KIF24: variants seen among roughly 807,000 people sequenced by gnomAD.
KIF24 encodes kinesin family member 24.
KIF24 carries 81 observed loss-of-function variants against 118.9 expected under a neutral mutation model. That is an observed-to-expected ratio of 0.68 (90% CI 0.57 to 0.82). KIF24 has a LOEUF of 0.82. Among genes scored for constraint, KIF24 ranks in the 40% least tolerant of loss-of-function variants. KIF24 has a pLI of 0.00. For synonymous variants in KIF24, 599 were observed against 610.0 expected (o/e 0.98, Z 0.27); for missense variants, 1,560 against 1,661.6 (o/e 0.94, Z 1.06).
intron 4 of KIF24, among the ~76,000 whole-genome samples, chr9:34,293,008 T>C (rs952811325): frequency 1.3e-5 from 2 of 152,202 alleles, no homozygotes; most frequent in African/African-American, 4.8e-5. Context: ...TTCTAACTTA[T>C]TTTAGAAACT....
At chr9:34,300,763 G>T (rs1336893120) in intron 3 of KIF24, among the ~76,000 whole-genome samples, 1 of 148,180 alleles carries the variant, frequency 6.7e-6, no homozygotes, top group Non-Finnish European at 1.5e-5. Flanking sequence ...TATCACCATA[G>T]GTTTTTATAG....
intron 8 of KIF24, among the ~76,000 whole-genome samples, chr9:34,268,704 C>T (rs10972031): frequency 0.22 from 34,050 of 151,826 alleles, 4,444 homozygotes; most frequent in East Asian, 0.59. Context: ...GACAGAGTTT[C>T]ACCATGTTGG....
In KIF24 at chr9:34,269,373, G is replaced by C; in HGVS notation, c.1338-11C>G. The C allele has an allele frequency of 7.4e-7, 1 of 1,344,852 alleles. No homozygotes were observed. The highest frequency in any genetic ancestry group is 1.1e-6 in the Non-Finnish European group (1 of 940,316). 83.3% of individuals were successfully genotyped at this position (1,344,852 alleles called of 1,614,324 possible). On this transcript the variant is annotated splice_polypyrimidine_tract_variant and intron_variant, in intron 7 of 12. Coordinates refer to ENST00000402558, the MANE Select transcript of KIF24 (RefSeq NM_194313.4). Reference sequence around the variant, plus strand: ...TCAATAAAAGAGATCCTAGAGAAAAGACACAGCAGGAGTGACTTCTGTGAA... The same window carrying C: ...TCAATAAAAGAGATCCTAGAGAAAACACACAGCAGGAGTGACTTCTGTGAA...
At chr9:34,292,582 T>C (rs1836295722) in intron 4 of KIF24, among the ~76,000 whole-genome samples, 1 of 152,066 alleles carries the variant, frequency 6.6e-6, no homozygotes, top group African/African-American at 2.4e-5. Context: ...GGCAGAGAGA[T>C]GAGTACACAG....
At position 34,259,691 on chromosome 9, in the gene KIF24, A is replaced by G. The variant is rs774204659; in HGVS notation, c.1530T>C (p.Ser510=). The part of the protein sequence containing the change: ...QSKLTQVLKD[S]FIGNAKTCMI... ...TGCAGGTTTTGGCATTGCCGATGAA[A>G]GAGTCCTTCAGGACCTGTCCAAAAC... Residue 510 remains serine, a synonymous_variant, in exon 10 of 13, where the codon TCT becomes TCC. Coordinates refer to ENST00000402558, the MANE Select transcript of KIF24 (RefSeq NM_194313.4). 1 of 1,613,550 alleles carries G rather than the reference A, an allele frequency of 6.2e-7. No homozygotes were observed. Among genetic ancestry groups the G allele is most frequent in the African/African-American group, 1.3e-5 (1 of 75,036 alleles).
intron 8 of KIF24, 43 bp from the exon 9 acceptor site, chr9:34,263,215 G>C (rs762234015): frequency 6.7e-7 from 1 of 1,485,934 alleles, no homozygotes; most frequent in South Asian, 1.2e-5. Context: ...CAAGTGCAAA[G>C]GGAGAGTAAC....
rs534079159 is a variant in KIF24 at position 34,305,650 on chromosome 9, C to T, written c.813+602G>A. ...GCAGATCCTCCCTCTGTTGCCCAGG[C>T]TGGAGTGCAGTGGTGCAATCATAGC... On this transcript the variant is annotated intron_variant, in intron 3 of 12. Coordinates refer to ENST00000402558, the MANE Select transcript of KIF24 (RefSeq NM_194313.4). Among the ~76,000 whole-genome samples, 16 of 152,308 alleles carry T rather than the reference C, an allele frequency of 1.1e-4. No individual in the cohort carries two copies. In the East Asian group the frequency reaches 2.3e-3, roughly 22 times the overall value.
At chr9:34,298,442 A>G (rs1836568914) in intron 3 of KIF24, among the ~76,000 whole-genome samples, 1 of 151,800 alleles carries the variant, frequency 6.6e-6, no homozygotes, top group African/African-American at 2.4e-5. Flanking sequence ...GCTACTTGGG[A>G]GGCTAAGGCA....
rs1834864869 is a variant in KIF24 at position 34,256,810 on chromosome 9, C to T, written c.2797G>A (p.Asp933Asn). 1.2e-6 allele frequency: 2 copies of T among 1,614,004 alleles called. No individual in the cohort carries two copies. Among genetic ancestry groups the T allele is most frequent in the Middle Eastern group, 1.7e-4 (1 of 6,056 alleles). ...NSTSSGPSPR[D>N]SLAEKPYCSQ... ...CAGTATGGCTTCTCTGCCAGGCTGT[C>T]TCTGGGAGAAGGCCCTGAGGAAGTA... Residue 933 changes from aspartate (D) to asparagine (N), a missense_variant, in exon 11 of 13, where the codon GAC (aspartate) becomes AAC (asparagine). Around this residue, in one of 3 missense-constraint regions of KIF24, gnomAD observed 591 missense variants for 655.6 expected, o/e 0.90. Coordinates refer to ENST00000402558, the MANE Select transcript of KIF24 (RefSeq NM_194313.4).
chr9:34,294,301 T>C (rs1836374739), intron 4 of KIF24, among the ~76,000 whole-genome samples: 1 of 152,078 alleles, frequency 6.6e-6, no homozygotes, highest in African/African-American at 2.4e-5. Context: ...GCAATTCCAT[T>C]TCTAGGTTGT....
In KIF24 at chr9:34,257,727, G is replaced by C. The variant is rs1834910245; in HGVS notation, c.1880C>G (p.Ser627Cys). The change falls in exon 11 of 13, where the codon TCT (serine) becomes TGT (cysteine). Residue 627 changes from serine (S) to cysteine (C), a missense_variant. Physicochemically the swap from Ser to Cys is moderately radical, Grantham distance 112. This residue lies in a region of KIF24 where 964 missense variants were observed against 988.0 expected (regional missense o/e 0.98). Transcript: ENST00000402558. ...NIPFTSAPKVSGKRGGSRGSP... is the reference protein window; with the variant it reads ...NIPFTSAPKVCGKRGGSRGSP... ...CCCTCTGGAGCCACCCCTTTTACCA[G>C]AGACCTTAGGTGCAGAAGTAAAAGG... 1.2e-6 allele frequency: 2 copies of C among 1,613,894 alleles called. No homozygotes were observed. Among genetic ancestry groups the C allele is most frequent in the Non-Finnish European group, 8.5e-7 (1 of 1,179,900 alleles).
intron 8 of KIF24, among the ~76,000 whole-genome samples, chr9:34,268,187 G>A (rs934809304): frequency 6.6e-6 from 1 of 152,016 alleles, no homozygotes; most frequent in Non-Finnish European, 1.5e-5. Flanking sequence ...TTGAGATGGA[G>A]TCTTGCTCTG....
At chr9:34,263,025 A>T in intron 9 of KIF24, 76 bp downstream of exon 9, 1 of 1,129,934 alleles carries the variant, frequency 8.9e-7, no homozygotes, top group Non-Finnish European at 1.3e-6. Flanking sequence ...TGGATGCTCG[A>T]CTGAATGAAC....
chr9:34,307,062 T>C lies in KIF24; in HGVS notation c.624-621A>G, dbSNP rs114657274. ...ATTCTGATTTCCTTAGCCCTCCAACTGGCTGCTGAAAAAAAATTTTTTTTG... is the reference window on the plus strand; with the variant it reads ...ATTCTGATTTCCTTAGCCCTCCAACCGGCTGCTGAAAAAAAATTTTTTTTG... On this transcript the variant is annotated intron_variant, in intron 2 of 12. Transcript: ENST00000402558. Among the ~76,000 whole-genome samples, 479 of 152,236 alleles carry C rather than the reference T, an allele frequency of 3.1e-3. 3 individuals carry two copies. The highest frequency in any genetic ancestry group is 0.011 in the African/African-American group (444 of 41,544).
upstream of KIF24, among the ~76,000 whole-genome samples, chr9:34,329,871 C>G (rs1467973455): frequency 2.6e-5 from 4 of 152,206 alleles, 1 homozygote; most frequent in Non-Finnish European, 5.9e-5. Flanking sequence ...CGTCCAAATC[C>G]CAGAGGCGGG....
Position 34,318,489 on chromosome 9 carries a change from C to T in KIF24, c.-25-7118G>A. ...GTGAAGAAACCTGCAGCCACAGCAG[C>T]TCCTGGCACCGCAGAGAAGCTGAGC... On this transcript the variant is annotated intron_variant, in intron 1 of 12. Transcript: ENST00000402558. This position sits in a 1 kb window ranked among gnomAD's most constrained non-coding sequence, Gnocchi z 4.9. The T allele has an allele frequency of 3.6e-6, 3 of 828,946 alleles. No homozygotes were observed. The highest frequency in any genetic ancestry group is 2.0e-6 in the Non-Finnish European group (1 of 496,714). 51.3% of individuals were successfully genotyped at this position (828,946 alleles called of 1,614,324 possible).
Position 34,254,266 on chromosome 9 carries a change from G to T in KIF24, c.*114C>A. 1 of 1,198,310 alleles carries T rather than the reference G, an allele frequency of 8.3e-7. No homozygotes were observed. The allele number at this position is 1,198,310 out of a possible 1,614,324, so 74.2% of individuals were successfully genotyped here. ...GCTGGGGTGACGCTAGCATAGGCAG[G>T]ACCAGCGTGTGGGTTCTGGTGTGTG... On this transcript the variant is annotated 3_prime_UTR_variant, in exon 13 of 13. Coordinates refer to ENST00000402558, the MANE Select transcript of KIF24 (RefSeq NM_194313.4).
intron 6 of KIF24, among the ~76,000 whole-genome samples, chr9:34,284,932 C>T (rs1478303159): frequency 6.6e-6 from 1 of 152,030 alleles, no homozygotes; most frequent in Non-Finnish European, 1.5e-5. Flanking sequence ...TCCAAACAAT[C>T]TAATGTAAAG....
intron 3 of KIF24, among the ~76,000 whole-genome samples, chr9:34,298,687 A>G (rs1836579445): frequency 6.6e-6 from 1 of 152,206 alleles, no homozygotes; most frequent in Admixed American, 6.5e-5. Context: ...AACTAACTTT[A>G]TAGGCAAGAA....
Sources: gnomAD v4.1 joint callset for allele counts (sites outside exome capture counted in the v4.1 genomes callset) on GRCh38, gnomAD v4.1.1 for gene constraint, gnomAD v4.1.1 regional missense constraint, Gnocchi (gnomAD v3.1) non-coding constraint, MANE v1.5 for transcripts, NCBI Gene and HGNC (gene_info 2026-07-23, HGNC 2026-07-21) for gene names.